UVSSA: variants seen among roughly 807,000 people sequenced by gnomAD.
UVSSA encodes the protein UV stimulated scaffold protein A, also known as UV-stimulated scaffold protein A.
UVSSA carries 72 observed loss-of-function variants against 73.9 expected under a neutral mutation model. The observed-to-expected ratio is 0.97, with a 90% CI of 0.81 to 1.19. The LOEUF (loss-of-function observed/expected upper bound fraction) is 1.19. Among genes scored for constraint, UVSSA ranks in the 50% most tolerant of loss-of-function variants. The pLI is 0.00. For synonymous variants in UVSSA, 454 were observed against 391.3 expected (o/e 1.16, Z -1.89); for missense variants, 1,150 against 965.0 (o/e 1.19, Z -2.54).
intron 12 of UVSSA, 24 bp from the exon 13 acceptor site, chr4:1,383,742 G>A: frequency 6.2e-7 from 1 of 1,612,360 alleles, no homozygotes; most frequent in Non-Finnish European, 8.5e-7. Context: ...GACGTCTCCT[G>A]AAGTGCTTGA....
rs376077428 is a variant in UVSSA at position 1,349,771 on chromosome 4, G to C, written c.346G>C (p.Ala116Pro). ...AQRLRQATTR[A>P]VEGWNEKFGE... ...GAGGCTGAGGCAGGCGACCACCCGG[G>C]CCGTGGAAGGGTGGAATGAGAAGTT... The change falls in exon 3 of 14, where the codon GCC becomes CCC. Residue 116 changes from alanine to proline, a missense_variant. Ala to Pro is a conservative substitution (Grantham distance 27, BLOSUM62 -1). Transcript: ENST00000389851. 2 of 1,608,084 alleles carry C rather than the reference G, an allele frequency of 1.2e-6. No homozygotes were observed. The highest frequency in any genetic ancestry group is 1.7e-6 in the Non-Finnish European group (2 of 1,176,382).
chr4:1,372,057 G>A (rs1718112067), intron 8 of UVSSA, among the ~76,000 whole-genome samples: 1 of 152,182 alleles, frequency 6.6e-6, no homozygotes, highest in African/African-American at 2.4e-5. Context: ...ACACCTTCAA[G>A]CATTCCTTTT....
intron 8 of UVSSA, among the ~76,000 whole-genome samples, chr4:1,367,928 C>T (rs1426367065): frequency 6.6e-6 from 1 of 152,248 alleles, no homozygotes; most frequent in African/African-American, 2.4e-5. Context: ...CTCGGGCAGG[C>T]GTCCCCACGC....
At chr4:1,390,300 T>G (rs1018262716), downstream of UVSSA, 1 of 152,218 alleles carries the variant, frequency 6.6e-6, no homozygotes, top group Non-Finnish European at 1.5e-5. Context: ...GTTATTGACT[T>G]CTTTTCTTAT....
At chr4:1,393,591 T>C (rs927730220) in exon 14 of UVSSA, 3 of 151,500 alleles carry the variant, frequency 2.0e-5, no homozygotes, top group South Asian at 2.1e-4. Flanking sequence ...GATAGATAGA[T>C]AGATAGATAG....
chr4:1,348,051 C>G (rs746834411), intron 1 of UVSSA, 39 bp from the exon 2 acceptor site: 1 of 1,491,770 alleles, frequency 6.7e-7, no homozygotes, highest in East Asian at 2.3e-5. Flanking sequence ...CTATAAAATA[C>G]AGATGGTGAT....
chr4:1,382,033 T>C (rs1190589554), intron 12 of UVSSA, among the ~76,000 whole-genome samples: 2 of 152,178 alleles, frequency 1.3e-5, no homozygotes, highest in East Asian at 3.9e-4. Flanking sequence ...CACCTTGTCT[T>C]GAAGAGCAGC....
chr4:1,395,243 G>C (rs1720512972), exon 14 of UVSSA: 1 of 1,456,568 alleles, frequency 6.9e-7, no homozygotes, highest in Non-Finnish European at 9.1e-7. Flanking sequence ...GCTCACACGT[G>C]CCCATGTGGA....
At chr4:1,356,324 C>A (rs1205347665) in intron 7 of UVSSA, among the ~76,000 whole-genome samples, 2 of 152,262 alleles carry the variant, frequency 1.3e-5, no homozygotes, top group South Asian at 4.1e-4. Context: ...CTGAGCCTGT[C>A]GTTTTCCCCA....
chr4:1,342,915 G>A (rs1713478489), upstream of UVSSA, among the ~76,000 whole-genome samples: 1 of 151,896 alleles, frequency 6.6e-6, no homozygotes, highest in Non-Finnish European at 1.5e-5. Context: ...AAACCAGGGG[G>A]TATGATGAGT....
At chr4:1,394,782 G>T (rs28561739) in exon 14 of UVSSA, 5 of 1,501,396 alleles carry the variant, frequency 3.3e-6, no homozygotes, top group Non-Finnish European at 2.7e-6. Flanking sequence ...CACATGTGCC[G>T]ATGTGGAGTG....
intron 5 of UVSSA, 109 bp from the exon 6 acceptor site, chr4:1,354,626 G>A (rs1715370987): frequency 1.1e-6 from 1 of 905,126 alleles, no homozygotes; most frequent in Non-Finnish European, 1.7e-6. Context: ...TGGGCGTCTG[G>A]CAGGTTCCCC....
intron 5 of UVSSA, among the ~76,000 whole-genome samples, 199 bp downstream of exon 5, chr4:1,353,612 C>T (rs1369635583): frequency 1.3e-5 from 2 of 152,188 alleles, no homozygotes; most frequent in Non-Finnish European, 2.9e-5. Context: ...GCCTCTGTGG[C>T]CACAGGGACA....
At chr4:1,355,083 C>T (rs1278299530) in intron 6 of UVSSA, 34 bp from the exon 7 acceptor site, 25 of 1,607,774 alleles carry the variant, frequency 1.6e-5, no homozygotes, top group South Asian at 9.9e-5. Flanking sequence ...CCTGCCCGGC[C>T]GGCCCCTGAG....
At chr4:1,351,875 G>T in intron 4 of UVSSA, 40 bp downstream of exon 4, 1 of 1,605,136 alleles carries the variant, frequency 6.2e-7, no homozygotes, top group South Asian at 1.1e-5. Flanking sequence ...ACGCCTCTGA[G>T]GGTTGCCCGT....
chr4:1,349,427 C>G, intron 2 of UVSSA, 97 bp from the exon 3 acceptor site: 4 of 1,178,120 alleles, frequency 3.4e-6, no homozygotes, highest in Non-Finnish European at 3.6e-6. Flanking sequence ...AGTGGTGGTC[C>G]CTGCCACACG....
In UVSSA at chr4:1,353,192, G is replaced by A. The variant is rs776433683; in HGVS notation, c.713G>A (p.Cys238Tyr). 2 of 1,612,686 alleles carry A rather than the reference G, an allele frequency of 1.2e-6. No homozygotes were observed. The highest frequency in any genetic ancestry group is 8.5e-7 in the Non-Finnish European group (1 of 1,179,990). The change falls in exon 5 of 14, where the codon TGC (cysteine) becomes TAC (tyrosine). Residue 238 changes from cysteine to tyrosine, a missense_variant. Cys to Tyr is a radical substitution (Grantham distance 194). Coordinates refer to ENST00000389851, the MANE Select transcript of UVSSA (RefSeq NM_020894.4). ...RSSCAGQVGP[C>Y]RSGTPDPRDG... ...TCCTGCGCGGGCCAGGTGGGCCCCTGCCGGTCTGGCACCCCTGACCCCCGG... is the reference window on the plus strand; with the variant it reads ...TCCTGCGCGGGCCAGGTGGGCCCCTACCGGTCTGGCACCCCTGACCCCCGG...
chr4:1,395,110 C>A lies in UVSSA; in HGVS notation c.*9149C>A, dbSNP rs79550423. On this transcript the variant is annotated 3_prime_UTR_variant, in exon 14 of 14. Transcript: ENST00000511216. ...CGTGCCCATGTGGAGTGCTCGCCTG[C>A]TCACACGTGCCGATGTGGAGTGCCT... 590 of 1,322,376 alleles carry A rather than the reference C, an allele frequency of 4.5e-4. 168 individuals are homozygous for A. The highest frequency in any genetic ancestry group is 1.0e-3 in the South Asian group (85 of 82,836). The allele number at this position is 1,322,376 out of a possible 1,614,324, so 81.9% of individuals were successfully genotyped here.
chr4:1,379,160 C>T (rs1412588806), intron 10 of UVSSA, among the ~76,000 whole-genome samples: 1 of 152,228 alleles, frequency 6.6e-6, no homozygotes, highest in Non-Finnish European at 1.5e-5. Context: ...CCGACCGTTC[C>T]CCAGTCAGCA....
Sources: allele counts gnomAD v4.1 joint callset (sites outside exome capture counted in the v4.1 genomes callset), GRCh38; gene constraint gnomAD v4.1.1; transcripts MANE v1.5; gene names NCBI Gene and HGNC (gene_info 2026-07-23, HGNC 2026-07-21).